Variants in CINP observed in about 807,000 individuals in gnomAD.
CINP encodes cyclin-dependent kinase 2-interacting protein.
A neutral mutation model predicts 20.5 loss-of-function variants in CINP; 11 were observed. That is an observed-to-expected ratio of 0.54 (90% CI 0.34 to 0.89). The LOEUF (loss-of-function observed/expected upper bound fraction) is 0.89. Among genes scored for constraint, CINP ranks in the 40% least tolerant of loss-of-function variants. The probability of loss-of-function intolerance (pLI) is 0.02; values close to 1 mark genes in which losing one functional copy is unlikely to be tolerated. For missense variants in CINP, 213 were observed against 251.0 expected (o/e 0.85, Z 1.02); for synonymous variants, 108 against 102.1 (o/e 1.06, Z -0.35).
intron 4 of CINP, among the ~76,000 whole-genome samples, chr14:102,348,996 T>C (rs573289700): frequency 3.3e-5 from 5 of 152,360 alleles, no homozygotes; most frequent in African/African-American, 1.2e-4. Context: ...CCCACACCTG[T>C]AATCCCAGCA....
chr14:102,356,533 A>G (rs1367276553), intron 2 of CINP, among the ~76,000 whole-genome samples: 4 of 152,168 alleles, frequency 2.6e-5, no homozygotes, highest in Admixed American at 2.6e-4. Context: ...ATCCAGGAAT[A>G]TAGGCACGCC....
chr14:102,350,894 C>T (rs969557309), intron 3 of CINP, among the ~76,000 whole-genome samples: 5 of 147,218 alleles, frequency 3.4e-5, no homozygotes, highest in East Asian at 2.1e-4. Context: ...GGCGAGATCT[C>T]GGTTCACTAC....
Position 102,351,113 on chromosome 14 carries a change from C to T in CINP, c.307-1065G>A, listed in dbSNP as rs539570827. On this transcript the variant is annotated intron_variant, in intron 3 of 4. Transcript: ENST00000216756. The surrounding 1 kb of genome is among the most constrained non-coding windows in gnomAD (Gnocchi z 4.2). ...TGCTGGGATTCTAGGCATGAGACAC[C>T]GCACCAGGCCTGACTCTCTCTTATT... Among the ~76,000 whole-genome samples, 43 of 152,240 alleles carry T rather than the reference C, an allele frequency of 2.8e-4. No homozygotes were observed. Among genetic ancestry groups the T allele is most frequent in the East Asian group, 5.8e-4 (3 of 5,188 alleles).
At chr14:102,352,726 TCGGCTAA>T (rs1374795843) in intron 3 of CINP, among the ~76,000 whole-genome samples, 1 of 151,888 alleles carries the variant, frequency 6.6e-6, no homozygotes, top group Non-Finnish European at 1.5e-5. Context: ...TGGCTTGATC[TCGGCTAA>T]CTGCAACCTC....
chr14:102,353,215 T>C (rs1020306182), intron 3 of CINP, among the ~76,000 whole-genome samples: 1 of 152,036 alleles, frequency 6.6e-6, no homozygotes, highest in Non-Finnish European at 1.5e-5. Flanking sequence ...TTTATGTAGA[T>C]ACTGCACCCT....
At chr14:102,360,249 C>T (rs1887109564) in intron 1 of CINP, among the ~76,000 whole-genome samples, 1 of 152,082 alleles carries the variant, frequency 6.6e-6, no homozygotes, top group African/African-American at 2.4e-5. Context: ...GGCCTTTACA[C>T]GTGTTCTCTC....
intron 2 of CINP, 25 bp downstream of exon 2, chr14:102,359,394 G>C (rs762163066): frequency 6.6e-7 from 1 of 1,525,200 alleles, no homozygotes. Context: ...AAAACTTAGA[G>C]CATGAAAAAC....
At chr14:102,355,519 A>G (rs895759797) in intron 3 of CINP, 11 of 177,016 alleles carry the variant, frequency 6.2e-5, no homozygotes, top group East Asian at 4.0e-4. Context: ...CATATCATGG[A>G]AAAAAAAAAA....
At chr14:102,352,677 G>C in intron 3 of CINP, 1 of 398,004 alleles carries the variant, frequency 2.5e-6, no homozygotes, top group Non-Finnish European at 4.9e-6. Context: ...TCTTTTTTTT[G>C]ACACGGAGTC....
At chr14:102,352,594 C>A (rs751152983) in intron 3 of CINP, 17 of 450,798 alleles carry the variant, frequency 3.8e-5, no homozygotes, top group South Asian at 2.5e-4. Context: ...ATAATAATAC[C>A]CTATAAAATC....
At position 102,350,024 on chromosome 14, in the gene CINP, T is replaced by A; in HGVS notation, c.331A>T (p.Lys111Ter). Residue 111 changes from lysine (K) to a stop codon, truncating the protein, a stop_gained, in exon 4 of 5, where the codon AAG becomes TAG. Coordinates refer to ENST00000216756, the MANE Select transcript of CINP (RefSeq NM_032630.3). LOFTEE classifies it high-confidence loss of function. The stretch of plus-strand genomic sequence containing the variant: ...ATTCCCTTGGTAGTTGAAGACAGCT[T>A]TTCCATTTTCACCTGTATTTTGGTC... Reference protein sequence around the residue: ...GLTKIQVKMEKLSSTTKGICE... With the variant: ...GLTKIQVKME The A allele has an allele frequency of 1.2e-6, 2 of 1,613,596 alleles. No individual in the cohort carries two copies. Among genetic ancestry groups the A allele is most frequent in the African/African-American group, 2.7e-5 (2 of 75,042 alleles).
At chr14:102,353,928 G>A (rs1413127628) in intron 3 of CINP, among the ~76,000 whole-genome samples, 4 of 151,950 alleles carry the variant, frequency 2.6e-5, no homozygotes, top group South Asian at 4.2e-4. Context: ...CTGTACAAAC[G>A]AATTTTAAAA....
At chr14:102,362,612 A>G (rs1887192558) in intron 1 of CINP, 3 of 710,878 alleles carry the variant, frequency 4.2e-6, no homozygotes, top group Non-Finnish European at 2.6e-6. Flanking sequence ...ATTTGCGTAT[A>G]TCGTCCCGTT....
chr14:102,355,651 A>G, intron 3 of CINP, 117 bp downstream of exon 3: 1 of 1,146,600 alleles, frequency 8.7e-7, no homozygotes. Flanking sequence ...GCAGAGGAAG[A>G]GAACATCAGA....
chr14:102,353,503 A>G (rs1484740548), intron 3 of CINP, among the ~76,000 whole-genome samples: 1 of 151,522 alleles, frequency 6.6e-6, no homozygotes, highest in East Asian at 2.0e-4. Flanking sequence ...GTGGGACCCA[A>G]AGAAAAGTCC....
In CINP at chr14:102,351,236, C is replaced by A. The variant is rs542209837; in HGVS notation, c.307-1188G>T. On this transcript the variant is annotated intron_variant, in intron 3 of 4. Transcript: ENST00000216756. This position sits in a 1 kb window ranked among gnomAD's most constrained non-coding sequence, Gnocchi z 4.2. ...ACACTTCACGCAGAAAGGAAGGAAA[C>A]GTGGCAAGCTGCCATTGACGGTCCC... is the stretch of plus-strand genomic sequence containing the variant. Among the ~76,000 whole-genome samples, 2 of 152,190 alleles carry A rather than the reference C, an allele frequency of 1.3e-5. No homozygotes were observed. The highest frequency in any genetic ancestry group is 4.8e-5 in the African/African-American group (2 of 41,450).
Position 102,355,752 on chromosome 14 carries a change from C to T in CINP, c.306+16G>A, listed in dbSNP as rs372164643. On this transcript the variant is annotated intron_variant, in intron 3 of 4. Coordinates refer to ENST00000216756, the MANE Select transcript of CINP (RefSeq NM_032630.3). ...AGTGACAGTGACCACAAGTGGCCTG[C>T]GTCTTTATGTCTTACCAACCCATCC... The T allele has an allele frequency of 5.0e-6, 8 of 1,612,638 alleles. No individual in the cohort carries two copies. Among genetic ancestry groups the T allele is most frequent in the South Asian group, 4.4e-5 (4 of 90,796 alleles).
intron 2 of CINP, among the ~76,000 whole-genome samples, chr14:102,359,070 G>A (rs957463366): frequency 4.6e-5 from 7 of 151,504 alleles, no homozygotes; most frequent in Non-Finnish European, 1.0e-4. Flanking sequence ...GTGTGGTGAC[G>A]GGCGCCTGTA....
chr14:102,362,325 C>A (rs1887183506), intron 1 of CINP, among the ~76,000 whole-genome samples: 1 of 152,150 alleles, frequency 6.6e-6, no homozygotes, highest in Non-Finnish European at 1.5e-5. Flanking sequence ...CTCTGAGCCT[C>A]GATTCCCCAT....
Sources: allele counts gnomAD v4.1 joint callset (sites outside exome capture counted in the v4.1 genomes callset), GRCh38; gene constraint gnomAD v4.1.1; non-coding constraint Gnocchi (gnomAD v3.1); transcripts MANE v1.5; gene names NCBI Gene and HGNC (gene_info 2026-07-23, HGNC 2026-07-21).